PBX1: variants seen among roughly 807,000 people sequenced by gnomAD.
PBX1 encodes the protein pre-B-cell leukemia transcription factor 1.
Under a neutral mutation model 53.4 loss-of-function variants are expected in PBX1, and 6 were observed. That is an observed-to-expected ratio of 0.11 (90% CI 0.06 to 0.22). The LOEUF (loss-of-function observed/expected upper bound fraction) is 0.22. PBX1 is among the 10% of genes least tolerant of loss of function. The pLI is 1.00. For missense variants in PBX1, 251 were observed against 551.4 expected (o/e 0.46, Z 5.46); for synonymous variants, 204 against 212.3 (o/e 0.96, Z 0.34).
intron 2 of PBX1, chr1:164,625,840 A>T: frequency 3.3e-6 from 2 of 608,722 alleles, no homozygotes; most frequent in Non-Finnish European, 2.1e-6. Flanking sequence ...AAAACACCTT[A>T]CATGAATTAT....
intron 2 of PBX1, among the ~76,000 whole-genome samples, chr1:164,625,552 GAAGT>G (rs1291784299): frequency 2.0e-5 from 3 of 152,146 alleles, no homozygotes; most frequent in Admixed American, 1.3e-4. Context: ...TTAAAAATGA[GAAGT>G]AATTTTTGGG....
chr1:164,623,912 G>A (rs186226844), intron 2 of PBX1, among the ~76,000 whole-genome samples: 1 of 152,318 alleles, frequency 6.6e-6, no homozygotes, highest in East Asian at 1.9e-4. Flanking sequence ...TGAAAAGGGG[G>A]CTTGACAAAT....
rs1671657525 is a variant in PBX1 at position 164,848,069 on chromosome 1, A to G, written c.*1393A>G. On this transcript the variant is annotated 3_prime_UTR_variant, in exon 9 of 9. Transcript: ENST00000420696. ...CTATTGCTCTGGAGGAAAGAGTTGT[A>G]TAAGAACGTGGCTCATGTGAACTTT... 3.8e-6 allele frequency: 4 copies of G among 1,051,798 alleles called. No individual in the cohort carries two copies. The South Asian group carries it at 1.4e-4, about 36-fold the overall frequency. 65.2% of individuals were successfully genotyped at this position (1,051,798 alleles called of 1,614,324 possible). A position where few individuals can be genotyped will look rare whatever the true frequency, so the allele number is the denominator to read the frequency against.
chr1:164,752,901 G>C (rs577865064), intron 2 of PBX1, among the ~76,000 whole-genome samples: 1 of 152,296 alleles, frequency 6.6e-6, no homozygotes, highest in South Asian at 2.1e-4. Context: ...CCTGAGACCA[G>C]TTTTAATTTT....
At chr1:164,767,425 G>T (rs1381398643) in intron 2 of PBX1, among the ~76,000 whole-genome samples, 1 of 152,154 alleles carries the variant, frequency 6.6e-6, no homozygotes. Context: ...AATTTTATCA[G>T]AGAGTGCGCT....
chr1:164,793,343 G>A (rs1668619695), intron 3 of PBX1, among the ~76,000 whole-genome samples: 1 of 152,092 alleles, frequency 6.6e-6, no homozygotes, highest in Non-Finnish European at 1.5e-5. Context: ...AGGGTAGGAG[G>A]TTCAGGAGAC....
At chr1:164,880,507 GC>G (rs1205157208) in intron 2 of PBX1, among the ~76,000 whole-genome samples, 2 of 152,150 alleles carry the variant, frequency 1.3e-5, no homozygotes, top group Non-Finnish European at 2.9e-5. Flanking sequence ...AGATCTTTTG[GC>G]CAAGCGTTCT....
intron 8 of PBX1, among the ~76,000 whole-genome samples, chr1:164,836,959 C>T (rs1393652850): frequency 6.6e-6 from 1 of 152,174 alleles, no homozygotes; most frequent in East Asian, 1.9e-4. Flanking sequence ...CCTAAGTGTA[C>T]TTGAATATGC....
At chr1:164,843,563 A>G (rs972076189) in intron 8 of PBX1, among the ~76,000 whole-genome samples, 1 of 151,958 alleles carries the variant, frequency 6.6e-6, no homozygotes. Context: ...GGAGTGGAAA[A>G]AAGGGGAGTG....
intron 2 of PBX1, among the ~76,000 whole-genome samples, chr1:164,674,183 A>C (rs1272188195): frequency 6.6e-6 from 1 of 151,730 alleles, no homozygotes; most frequent in Non-Finnish European, 1.5e-5. Flanking sequence ...GAGTCTTCCT[A>C]CTCTTTTTTG....
rs201056685 is a variant in PBX1 at position 164,613,580 on chromosome 1, C to T, written c.265+50269C>T. ...GAGCCAGCCTTGGCACACAGTGTTG[C>T]GGTTATGATCTGTGTATATGTGCAC... is the stretch of plus-strand genomic sequence containing the variant. On this transcript the variant is annotated intron_variant, in intron 2 of 8. Coordinates refer to ENST00000420696, the MANE Select transcript of PBX1 (RefSeq NM_002585.4). 5.3e-5 allele frequency among the ~76,000 whole-genome samples: 8 copies of T among 152,306 alleles called. No homozygotes were observed. The East Asian group carries it at 1.4e-3, about 26-fold the overall frequency.
chr1:164,620,219 A>G (rs1329292162), intron 2 of PBX1, among the ~76,000 whole-genome samples: 1 of 152,102 alleles, frequency 6.6e-6, no homozygotes, highest in Non-Finnish European at 1.5e-5. Flanking sequence ...AAAAACATGA[A>G]CTTCTTTTAA....
intron 2 of PBX1, among the ~76,000 whole-genome samples, chr1:164,778,280 A>G (rs1023732398): frequency 5.3e-5 from 8 of 152,236 alleles, no homozygotes; most frequent in African/African-American, 1.4e-4. Context: ...CATTAAAAAA[A>G]AGTGTTTGCA....
chr1:164,626,871 T>G (rs1658083693), intron 2 of PBX1, among the ~76,000 whole-genome samples: 2 of 152,180 alleles, frequency 1.3e-5, no homozygotes, highest in South Asian at 4.1e-4. Context: ...ACAGGTATAA[T>G]AAAGGTGGGG....
chr1:164,836,174 G>T (rs182824298), intron 8 of PBX1, among the ~76,000 whole-genome samples: 11 of 152,166 alleles, frequency 7.2e-5, no homozygotes, highest in Admixed American at 6.6e-4. Flanking sequence ...TTTTATTTTG[G>T]ATGCTCGATC....
chr1:164,871,968 G>A (rs1672394313), intron 2 of PBX1, among the ~76,000 whole-genome samples: 4 of 151,990 alleles, frequency 2.6e-5, no homozygotes, highest in Admixed American at 2.0e-4. Flanking sequence ...TCCCCTACTA[G>A]CAGATAGCAT....
At chr1:164,795,283 C>A (rs1214640717) in intron 3 of PBX1, among the ~76,000 whole-genome samples, 1 of 152,126 alleles carries the variant, frequency 6.6e-6, no homozygotes, top group Non-Finnish European at 1.5e-5. Flanking sequence ...TAGAATAATA[C>A]CTGACTCCAC....
intron 2 of PBX1, among the ~76,000 whole-genome samples, chr1:164,766,718 T>TTTTA (rs974291867): frequency 2.4e-3 from 351 of 147,414 alleles, no homozygotes; most frequent in African/African-American, 8.3e-3. Context: ...TTTCCTTTTC[T>TTTTA]TTTATTTATT....
chr1:164,826,316 C>T (rs1260866145), intron 8 of PBX1, among the ~76,000 whole-genome samples: 7 of 152,310 alleles, frequency 4.6e-5, no homozygotes, highest in South Asian at 2.1e-4. Context: ...GAAGTGCTCT[C>T]GTTACACAAA....
Sources: gnomAD v4.1 joint callset for allele counts (sites outside exome capture counted in the v4.1 genomes callset) on GRCh38, gnomAD v4.1.1 for gene constraint, MANE v1.5 for transcripts, NCBI Gene and HGNC (gene_info 2026-07-23, HGNC 2026-07-21) for gene names.